THRB: variants seen among roughly 807,000 people sequenced by gnomAD.
The protein encoded by THRB is nuclear receptor subfamily 1 group A member 2.
Under a neutral mutation model 47.8 loss-of-function variants are expected in THRB, and 12 were observed. The ratio of observed to expected loss-of-function variants is 0.25; its 90% CI spans 0.16 to 0.41. The LOEUF is 0.41. Ranked by LOEUF, THRB falls within the 10% of genes least tolerant of loss-of-function variation. The probability of loss-of-function intolerance (pLI) is 1.00; values close to 1 mark genes in which losing one functional copy is unlikely to be tolerated. For synonymous variants in THRB, 218 were observed against 212.2 expected (o/e 1.03, Z -0.24); for missense variants, 348 against 589.2 (o/e 0.59, Z 4.24).
Position 24,402,694 on chromosome 3 carries a change from C to T in THRB, c.-260-65323G>A, listed in dbSNP as rs374931045. ...TACTACCATTTATTTAACTAATTAC[C>T]TATCATTAAACATCTAGAAGCTGTT... On this transcript the variant is annotated intron_variant, in intron 1 of 10. Coordinates refer to ENST00000646209, the MANE Select transcript of THRB (RefSeq NM_001354712.2). Among the ~76,000 whole-genome samples the T allele has an allele frequency of 8.4e-4, 127 of 151,972 alleles. No homozygotes were observed. The South Asian group carries it at 0.025, about 30-fold the overall frequency.
chr3:24,241,015 G>A (rs1384115128), intron 3 of THRB, among the ~76,000 whole-genome samples: 1 of 152,160 alleles, frequency 6.6e-6, no homozygotes, highest in Non-Finnish European at 1.5e-5. Flanking sequence ...ACGTCCAGCT[G>A]TGTTGGTGGA....
At chr3:24,201,264 C>G (rs909216385) in intron 4 of THRB, among the ~76,000 whole-genome samples, 22 of 152,108 alleles carry the variant, frequency 1.4e-4, no homozygotes, top group African/African-American at 5.3e-4. Flanking sequence ...GAGAGGGGGT[C>G]TGGCAGTGAG....
chr3:24,269,375 A>C (rs2053023970), intron 3 of THRB, among the ~76,000 whole-genome samples: 4 of 125,708 alleles, frequency 3.2e-5, no homozygotes, highest in Non-Finnish European at 3.2e-5. Flanking sequence ...ATCATAGCTC[A>C]TCATAGCTCA....
intron 4 of THRB, among the ~76,000 whole-genome samples, chr3:24,207,719 A>G (rs1365251846): frequency 2.0e-5 from 3 of 152,178 alleles, no homozygotes; most frequent in Admixed American, 1.3e-4. Context: ...GCTATCTATG[A>G]CAAACCCACA....
intron 5 of THRB, among the ~76,000 whole-genome samples, chr3:24,187,355 G>A (rs968885531): frequency 7.9e-5 from 12 of 152,220 alleles, no homozygotes; most frequent in African/African-American, 2.9e-4. Flanking sequence ...ACGCTTAGAA[G>A]TGCACTGGTC....
chr3:24,403,848 A>G (rs1377268789), intron 1 of THRB, among the ~76,000 whole-genome samples: 2 of 151,970 alleles, frequency 1.3e-5, no homozygotes, highest in African/African-American at 4.8e-5. Flanking sequence ...AAGCTGAACT[A>G]CCTGCTTTCT....
At chr3:24,453,105 C>G (rs138616728) in intron 1 of THRB, among the ~76,000 whole-genome samples, 2 of 152,162 alleles carry the variant, frequency 1.3e-5, no homozygotes, top group Non-Finnish European at 2.9e-5. Context: ...GTACACAAGC[C>G]GGATACCTGT....
intron 1 of THRB, among the ~76,000 whole-genome samples, chr3:24,378,082 T>G (rs1333800121): frequency 1.3e-5 from 2 of 152,130 alleles, no homozygotes; most frequent in East Asian, 3.9e-4. Flanking sequence ...CCTCCAGTAA[T>G]TTGGGCTCCT....
chr3:24,292,330 T>A (rs1301381907), intron 3 of THRB, among the ~76,000 whole-genome samples: 1 of 152,222 alleles, frequency 6.6e-6, no homozygotes, highest in Non-Finnish European at 1.5e-5. Flanking sequence ...TAAACATGGA[T>A]TGCTTTTACT....
intron 1 of THRB, among the ~76,000 whole-genome samples, chr3:24,385,826 A>G (rs1261412154): frequency 6.6e-6 from 1 of 152,134 alleles, no homozygotes; most frequent in East Asian, 1.9e-4. Flanking sequence ...ATCATCACGC[A>G]TGAATCCTGC....
chr3:24,310,425 A>G (rs2057673873), intron 2 of THRB, among the ~76,000 whole-genome samples: 1 of 152,240 alleles, frequency 6.6e-6, no homozygotes, highest in African/African-American at 2.4e-5. Context: ...TACTTCTTCC[A>G]GAACTTCAGT....
chr3:24,391,371 C>T (rs2066557175), intron 1 of THRB, among the ~76,000 whole-genome samples: 1 of 152,170 alleles, frequency 6.6e-6, no homozygotes, highest in African/African-American at 2.4e-5. Context: ...TGTCATCCCA[C>T]ATTTGTGGCA....
intron 3 of THRB, among the ~76,000 whole-genome samples, chr3:24,258,906 C>T (rs1210991163): frequency 6.6e-6 from 1 of 152,156 alleles, no homozygotes; most frequent in Non-Finnish European, 1.5e-5. Context: ...AGTACACTGC[C>T]TTTTCTAGAG....
intron 1 of THRB, among the ~76,000 whole-genome samples, chr3:24,438,508 T>G (rs1436666351): frequency 2.3e-5 from 3 of 129,574 alleles, no homozygotes; most frequent in Non-Finnish European, 5.2e-5. Flanking sequence ...AACAAAAAGG[T>G]GTGTGTGTGT....
chr3:24,437,581 C>G (rs770772069), intron 1 of THRB, among the ~76,000 whole-genome samples: 1 of 152,180 alleles, frequency 6.6e-6, no homozygotes, highest in South Asian at 2.1e-4. Context: ...ATACTAATCA[C>G]CCTGATTTAA....
At chr3:24,268,898 TAAAAAG>T (rs201007352) in intron 3 of THRB, among the ~76,000 whole-genome samples, 6 of 41,072 alleles carry the variant, frequency 1.5e-4, no homozygotes, top group South Asian at 7.8e-4. Flanking sequence ...ATCTTAAAAA[TAAAAAG>T]AAAATAGAAA....
intron 9 of THRB, among the ~76,000 whole-genome samples, chr3:24,131,888 C>T (rs1024305819): frequency 2.0e-5 from 3 of 152,172 alleles, no homozygotes; most frequent in African/African-American, 7.2e-5. Flanking sequence ...ACTAAGACAC[C>T]TGGCCCCCAC....
chr3:24,190,308 G>A lies in THRB; in HGVS notation c.49C>T (p.Pro17Ser), dbSNP rs752640335. Residue 17 changes from proline to serine, a missense_variant, in exon 5 of 11, where the codon CCG becomes TCG. Pro to Ser is a moderately conservative substitution (Grantham distance 74, BLOSUM62 -1). This residue lies in a region of THRB where 148 missense variants were observed against 122.3 expected (regional missense o/e 1.21). Transcript: ENST00000646209. ...TENGLTAWDK[P>S]KHCPDREHDW... ...TGTTCTCGGTCTGGACAGTGCTTCG[G>A]TTTGTCCCAGGCTGTAAGGCCATTT... is the stretch of plus-strand genomic sequence containing the variant. 1.2e-6 allele frequency: 2 copies of A among 1,614,074 alleles called. No homozygotes were observed. The highest frequency in any genetic ancestry group is 1.7e-6 in the Non-Finnish European group (2 of 1,179,940).
intron 1 of THRB, among the ~76,000 whole-genome samples, chr3:24,407,666 G>A (rs1279487626): frequency 3.3e-5 from 5 of 151,910 alleles, no homozygotes; most frequent in African/African-American, 9.6e-5. Context: ...GAACTGTTGC[G>A]TTGGATAATC....
Sources: allele counts gnomAD v4.1 joint callset (sites outside exome capture counted in the v4.1 genomes callset), GRCh38; gene constraint gnomAD v4.1.1; regional missense constraint gnomAD v4.1.1; transcripts MANE v1.5; gene names NCBI Gene and HGNC (gene_info 2026-07-23, HGNC 2026-07-21).